PTPRK: variants seen among roughly 807,000 people sequenced by gnomAD.
The protein encoded by PTPRK is protein tyrosine phosphatase receptor type K.
PTPRK carries 75 observed loss-of-function variants against 178.0 expected under a neutral mutation model. That is an observed-to-expected ratio of 0.42 (90% CI 0.35 to 0.51). The LOEUF is 0.51. Ranked by LOEUF, PTPRK falls within the 20% of genes least tolerant of loss-of-function variation. The pLI is 0.02. For synonymous variants in PTPRK, 637 were observed against 620.6 expected (o/e 1.03, Z -0.39); for missense variants, 1,441 against 1,797.8 (o/e 0.80, Z 3.59).
At chr6:128,430,940 CTTTT>C (rs577140756) in intron 1 of PTPRK, among the ~76,000 whole-genome samples, 4 of 136,982 alleles carry the variant, frequency 2.9e-5, no homozygotes, top group Admixed American at 7.3e-5. Context: ...TAATTTTTTT[CTTTT>C]TTTTTTTTTT....
chr6:128,168,910 C>T (rs1184942815), intron 7 of PTPRK, among the ~76,000 whole-genome samples: 3 of 152,060 alleles, frequency 2.0e-5, no homozygotes, highest in Non-Finnish European at 4.4e-5. Flanking sequence ...CTAAAAAAGG[C>T]AATCCTGACA....
At chr6:128,497,384 G>A (rs888684437) in intron 1 of PTPRK, among the ~76,000 whole-genome samples, 1 of 152,094 alleles carries the variant, frequency 6.6e-6, no homozygotes, top group Admixed American at 6.5e-5. Context: ...CTGAGGCAGG[G>A]CGATCCCTTG....
At chr6:128,162,864 C>T (rs568177881) in intron 7 of PTPRK, among the ~76,000 whole-genome samples, 72 of 151,534 alleles carry the variant, frequency 4.8e-4, no homozygotes, top group Admixed American at 8.6e-4. Context: ...ATTCTAGGTG[C>T]TACTTATTTG....
intron 7 of PTPRK, among the ~76,000 whole-genome samples, chr6:128,126,462 A>T (rs1793391931): frequency 6.6e-6 from 1 of 152,144 alleles, no homozygotes; most frequent in Non-Finnish European, 1.5e-5. Flanking sequence ...ATTTGTATGC[A>T]GGCTTTTCTG....
At chr6:128,030,758 T>A (rs532002257) in intron 13 of PTPRK, among the ~76,000 whole-genome samples, 1 of 152,076 alleles carries the variant, frequency 6.6e-6, no homozygotes, top group Non-Finnish European at 1.5e-5. Flanking sequence ...TTGCTTTTTT[T>A]CCCCCAAGTC....
At chr6:128,437,346 G>A (rs1845728341) in intron 1 of PTPRK, among the ~76,000 whole-genome samples, 1 of 152,116 alleles carries the variant, frequency 6.6e-6, no homozygotes, top group African/African-American at 2.4e-5. Context: ...ATTTATATAA[G>A]CAAGCATTGT....
intron 3 of PTPRK, among the ~76,000 whole-genome samples, chr6:128,275,388 T>C (rs1294587102): frequency 6.6e-6 from 1 of 152,074 alleles, no homozygotes; most frequent in Non-Finnish European, 1.5e-5. Context: ...TCTGTTTTTG[T>C]TTATTTATCT....
intron 1 of PTPRK, among the ~76,000 whole-genome samples, chr6:128,407,580 A>T (rs1841809734): frequency 7.6e-6 from 1 of 130,978 alleles, no homozygotes; most frequent in African/African-American, 2.8e-5. Flanking sequence ...TTGAGACTGC[A>T]GTGAGCTATT....
At chr6:128,385,710 A>G (rs1163566709) in intron 2 of PTPRK, among the ~76,000 whole-genome samples, 1 of 152,204 alleles carries the variant, frequency 6.6e-6, no homozygotes, top group East Asian at 1.9e-4. Flanking sequence ...GCTTGCCTGA[A>G]GGCTCTGCTA....
Position 128,218,923 on chromosome 6 carries a change from T to C in PTPRK, c.867A>G (p.Arg289=), listed in dbSNP as rs766715931. 4.0e-5 allele frequency: 65 copies of C among 1,605,968 alleles called. 1 individual carries two copies. The South Asian group carries it at 7.0e-4, about 17-fold the overall frequency. The change falls in exon 6 of 30, where the codon AGA becomes AGG. Residue 289 remains arginine (R), a splice_region_variant and synonymous_variant. Transcript: ENST00000368226. ...GVSNFAQLIV[R]EPPRPIAPPQ... ...GAAGTGAAAACAATTTCACCTTACC[T>C]CTCACAATAAGTTGAGCAAAATTGG...
intron 13 of PTPRK, among the ~76,000 whole-genome samples, chr6:128,052,579 C>A (rs1231169501): frequency 6.6e-6 from 1 of 152,146 alleles, no homozygotes; most frequent in Non-Finnish European, 1.5e-5. Flanking sequence ...GTTGGAATAT[C>A]ACAAAAGTGA....
intron 13 of PTPRK, among the ~76,000 whole-genome samples, chr6:128,021,371 TCAC>T (rs754032715): frequency 1.3e-5 from 2 of 152,186 alleles, no homozygotes; most frequent in Non-Finnish European, 2.9e-5. Flanking sequence ...GCGCAGTGGC[TCAC>T]GCCTGTAATC....
At chr6:128,417,113 CT>C (rs936323898) in intron 1 of PTPRK, among the ~76,000 whole-genome samples, 1 of 151,320 alleles carries the variant, frequency 6.6e-6, no homozygotes, top group African/African-American at 2.4e-5. Context: ...GTATTTTCCC[CT>C]TTTTTTATAT....
chr6:128,520,207 T>A (rs1001861776), intron 1 of PTPRK, 52 bp downstream of exon 1: 1 of 1,479,516 alleles, frequency 6.8e-7, no homozygotes, highest in Non-Finnish European at 9.2e-7. Flanking sequence ...GGCTCACCCC[T>A]CGTGAGCCCA....
chr6:128,106,120 C>T (rs1337785767), intron 7 of PTPRK, among the ~76,000 whole-genome samples: 1 of 152,142 alleles, frequency 6.6e-6, no homozygotes, highest in African/African-American at 2.4e-5. Flanking sequence ...AAACTAGTAT[C>T]TACCTTATAG....
intron 15 of PTPRK, among the ~76,000 whole-genome samples, chr6:128,000,805 A>G (rs76381412): frequency 0.02 from 3,084 of 152,152 alleles, 53 homozygotes; most frequent in African/African-American, 0.043. Flanking sequence ...AAGCTGGAAG[A>G]AGGTAGCCAG....
intron 6 of PTPRK, among the ~76,000 whole-genome samples, chr6:128,196,830 G>A (rs915282407): frequency 2.6e-5 from 4 of 152,084 alleles, no homozygotes; most frequent in Admixed American, 6.6e-5. Context: ...ACTCTTTTCT[G>A]TAAATTTCAA....
chr6:128,005,495 TG>T (rs1365114187), intron 14 of PTPRK, among the ~76,000 whole-genome samples: 3 of 151,382 alleles, frequency 2.0e-5, no homozygotes, highest in African/African-American at 7.3e-5. Flanking sequence ...CATCATTTCC[TG>T]TTCTCTTAAA....
intron 3 of PTPRK, among the ~76,000 whole-genome samples, chr6:128,252,448 C>T (rs1816614876): frequency 6.6e-6 from 1 of 152,128 alleles, no homozygotes; most frequent in African/African-American, 2.4e-5. Context: ...GTATCAAAAA[C>T]ACATGACTTC....
Sources: gnomAD v4.1 joint callset for allele counts (sites outside exome capture counted in the v4.1 genomes callset) on GRCh38, gnomAD v4.1.1 for gene constraint, MANE v1.5 for transcripts, NCBI Gene and HGNC (gene_info 2026-07-23, HGNC 2026-07-21) for gene names.